The following SIN3A variants were observed in gnomAD, a reference collection of about 807,000 sequenced individuals.
The protein encoded by SIN3A is SIN3 transcription regulator family member A, also known as paired amphipathic helix protein Sin3a.
SIN3A carries 14 observed loss-of-function variants against 146.1 expected under a neutral mutation model. The ratio of observed to expected loss-of-function variants is 0.10; its 90% confidence interval spans 0.06 to 0.15. The LOEUF (loss-of-function observed/expected upper bound fraction) is 0.15, where lower values mean the gene tolerates loss of function less well. SIN3A is among the 10% of genes least tolerant of loss of function. SIN3A has a pLI of 1.00. For missense variants in SIN3A, 1,028 were observed against 1,576.0 expected (o/e 0.65, Z 5.89); for synonymous variants, 572 against 572.0 (o/e 1.00, Z 0.00).
rs1403361114 is a variant in SIN3A at position 75,389,829 on chromosome 15, A to C, written c.2852-8T>G. The C allele has an allele frequency of 4.3e-6, 7 of 1,613,780 alleles. 1 individual carries two copies. The South Asian group carries it at 7.7e-5, about 18-fold the overall frequency. On this transcript the variant is annotated splice_region_variant and splice_polypyrimidine_tract_variant and intron_variant, in intron 15 of 20. Transcript: ENST00000394947. Reference sequence around the variant, plus strand: ...CTTCTACATCAACATCCACTGTGGGAGAGATGGGATTGGTGAGGCCTTACC... The same window carrying C: ...CTTCTACATCAACATCCACTGTGGGCGAGATGGGATTGGTGAGGCCTTACC...
rs367946954 is a variant in SIN3A, at chr15:75,372,840, ACCCAAAACC to A, written c.3592-640_3592-632del. Among the ~76,000 whole-genome samples the A allele has an allele frequency of 4.4e-3, 659 of 148,922 alleles. 4 individuals are homozygous for A. Among genetic ancestry groups the A allele is most frequent in the African/African-American group, 0.016 (642 of 40,392 alleles). ...GTCTCCAAAAAAAAAAAAAAAAAAAACCCAAAACCCCCAAAACCCACATTTCCTTGGTTT... is the reference window on the plus strand; with the variant it reads ...GTCTCCAAAAAAAAAAAAAAAAAAAACCCAAAACCCACATTTCCTTGGTTT... On this transcript the variant is annotated intron_variant, in intron 20 of 20. Coordinates refer to ENST00000394947, the MANE Select transcript of SIN3A (RefSeq NM_001145358.2).
chr15:75,413,459 G>A (rs1032962162), intron 4 of SIN3A, among the ~76,000 whole-genome samples: 13 of 152,056 alleles, frequency 8.5e-5, no homozygotes, highest in African/African-American at 2.9e-4. Flanking sequence ...CAGGAAAACA[G>A]ATCATCTACG....
rs1006572637 is a variant in SIN3A at position 75,400,958 on chromosome 15, A to C, written c.1527-18T>G. ...GGAATTTCCTGAAGAATCAAACCAA[A>C]AAGTGACAAGCAATTAGGGGCAGGA... On this transcript the variant is annotated intron_variant, in intron 10 of 20. Coordinates refer to ENST00000394947, the MANE Select transcript of SIN3A (RefSeq NM_001145358.2). 1 of 1,583,520 alleles carries C rather than the reference A, an allele frequency of 6.3e-7. No homozygotes were observed. The highest frequency in any genetic ancestry group is 8.7e-7 in the Non-Finnish European group (1 of 1,155,134).
chr15:75,395,798 G>A (rs529688339), intron 13 of SIN3A, among the ~76,000 whole-genome samples: 23 of 152,180 alleles, frequency 1.5e-4, no homozygotes, highest in African/African-American at 5.1e-4. Context: ...CCAGCTATTC[G>A]GGAGGCTGAG....
At chr15:75,396,147 G>T in intron 13 of SIN3A, 111 bp downstream of exon 13, 1 of 803,326 alleles carries the variant, frequency 1.2e-6, no homozygotes, top group Non-Finnish European at 2.1e-6. Flanking sequence ...GGGTTGGGGA[G>T]AAAGAGAGGT....
rs1292422954 is a variant in SIN3A, at chr15:75,451,476, G to A, written c.-87C>T. ...GCGTGTCCCTCTCAGCGTGAGCCGC[G>A]AGCTCAGCAGGGAGGCCCCGAGAAC... On this transcript the variant is annotated 5_prime_UTR_variant, in exon 1 of 21. Coordinates refer to ENST00000394947, the MANE Select transcript of SIN3A (RefSeq NM_001145358.2). 1 of 149,908 alleles carries A rather than the reference G, an allele frequency of 6.7e-6. No homozygotes were observed. Among genetic ancestry groups the A allele is most frequent in the East Asian group, 2.0e-4 (1 of 5,032 alleles). The allele number at this position is 149,908 out of a possible 1,614,324, so 9.3% of individuals were successfully genotyped here. A position where few individuals can be genotyped will look rare whatever the true frequency, so the allele number is the denominator to read the frequency against.
rs370086603 is a variant in SIN3A at position 75,430,334 on chromosome 15, T to C, written c.42A>G (p.Ala14=). ...RLDDQESPVY[A]AQQRRIPGST... is the part of the protein sequence containing the mutation. ...TGCCAGGGATCCGACGCTGCTGGGC[T>C]GCATACACCGGTGACTCCTGGTCAT... The change falls in exon 2 of 21, where the codon GCA becomes GCG. Residue 14 remains alanine (A), a synonymous_variant. Transcript: ENST00000394947. 28 of 1,614,048 alleles carry C rather than the reference T, an allele frequency of 1.7e-5. No homozygotes were observed. In the African/African-American group the frequency reaches 3.5e-4, roughly 20 times the overall value.
At chr15:75,415,977 C>A in intron 3 of SIN3A, 1 of 339,316 alleles carries the variant, frequency 2.9e-6, no homozygotes, top group Non-Finnish European at 5.7e-6. Flanking sequence ...GATGCCAAAA[C>A]AGACCAGGCA....
intron 1 of SIN3A, among the ~76,000 whole-genome samples, chr15:75,445,655 A>C (rs1376934331): frequency 6.6e-6 from 1 of 151,606 alleles, no homozygotes; most frequent in African/African-American, 2.4e-5. Context: ...AGGCAGGAGA[A>C]TCACTTGAAG....
At chr15:75,402,622 A>G (rs534780291) in intron 9 of SIN3A, among the ~76,000 whole-genome samples, 2 of 152,192 alleles carry the variant, frequency 1.3e-5, no homozygotes, top group East Asian at 3.9e-4. Flanking sequence ...TATGTTTGCA[A>G]TAAGGAGTTT....
intron 9 of SIN3A, among the ~76,000 whole-genome samples, chr15:75,402,238 G>A (rs962371449): frequency 1.1e-4 from 17 of 152,176 alleles, no homozygotes; most frequent in Non-Finnish European, 1.8e-4. Context: ...GTGGCTGGGC[G>A]TGGTGGCTCA....
At chr15:75,452,823 C>CA (rs2074431377), upstream of SIN3A, 1 of 152,300 alleles carries the variant, frequency 6.6e-6, no homozygotes, top group Admixed American at 6.5e-5. Flanking sequence ...ATGCCACACT[C>CA]AGAGAATGGA....
Position 75,370,891 on chromosome 15 carries a change from AT to A in SIN3A, c.*1087del, listed in dbSNP as rs2072737944. On this transcript the variant is annotated 3_prime_UTR_variant, in exon 21 of 21. Transcript: ENST00000394947. ...GAAGTCAAAATCCCTGCTTCACAGT[AT>A]TTTCTGGTGAGGACAAGGGACGTGG... 2 of 149,480 alleles carry A rather than the reference AT, an allele frequency of 1.3e-5. No homozygotes were observed. The highest frequency in any genetic ancestry group is 3.0e-5 in the Non-Finnish European group (2 of 67,588). 9.3% of individuals were successfully genotyped at this position (149,480 alleles called of 1,614,324 possible).
upstream of SIN3A, among the ~76,000 whole-genome samples, chr15:75,454,508 G>T (rs2074459249): frequency 6.6e-6 from 1 of 150,814 alleles, no homozygotes; most frequent in Admixed American, 6.6e-5. Context: ...GGTTCCCGCC[G>T]GCGCCCCGCC....
chr15:75,376,859 T>TAAAAAAAAAAAAAAAAAAAAAAAA (rs200318256), intron 19 of SIN3A, among the ~76,000 whole-genome samples: 2 of 115,804 alleles, frequency 1.7e-5, no homozygotes, highest in African/African-American at 6.4e-5. Flanking sequence ...GACACTGTCT[T>TAAAAAAAAAAAAAAAAAAAAAAAA]AAAAAAAAAA....
At chr15:75,422,330 TAG>T (rs2073853788) in intron 3 of SIN3A, 3 of 595,148 alleles carry the variant, frequency 5.0e-6, no homozygotes, top group South Asian at 2.1e-5. Context: ...ATGTGCTCAA[TAG>T]AGAGTTCAAA....
At chr15:75,418,791 A>G (rs1595912572) in intron 3 of SIN3A, among the ~76,000 whole-genome samples, 2 of 148,934 alleles carry the variant, frequency 1.3e-5, no homozygotes, top group African/African-American at 2.5e-5. Context: ...GTCTCGCTCT[A>G]TCGCCCAGGC....
chr15:75,443,341 T>TC (rs1411667563), intron 1 of SIN3A, among the ~76,000 whole-genome samples: 1 of 152,202 alleles, frequency 6.6e-6, no homozygotes, highest in South Asian at 2.1e-4. Context: ...TACCATGTAC[T>TC]CCTTCACCTA....
At chr15:75,372,893 C>T (rs1297712015) in intron 20 of SIN3A, among the ~76,000 whole-genome samples, 1 of 151,306 alleles carries the variant, frequency 6.6e-6, no homozygotes, top group Non-Finnish European at 1.5e-5. Flanking sequence ...GCATTTTAAA[C>T]CAGCAATCCA....
Sources: gnomAD v4.1 joint callset for allele counts (sites outside exome capture counted in the v4.1 genomes callset) on GRCh38, gnomAD v4.1.1 for gene constraint, MANE v1.5 for transcripts, NCBI Gene and HGNC (gene_info 2026-07-23, HGNC 2026-07-21) for gene names.